The following CPLANE1 variants were observed in gnomAD, a reference collection of about 807,000 sequenced individuals.
CPLANE1 encodes ciliogenesis and planar polarity effector 1.
CPLANE1 carries 263 observed loss-of-function variants against 362.5 expected under a neutral mutation model. The ratio of observed to expected loss-of-function variants is 0.73; its 90% CI spans 0.66 to 0.80. The LOEUF is 0.80. CPLANE1 is among the 30% of genes least tolerant of loss of function. The probability of loss-of-function intolerance (pLI) is 0.00; values close to 1 mark genes in which losing one functional copy is unlikely to be tolerated. For synonymous variants in CPLANE1, 1,212 were observed against 1,302.6 expected (o/e 0.93, Z 1.50); for missense variants, 3,461 against 3,793.4 (o/e 0.91, Z 2.30).
At position 37,247,742 on chromosome 5, in the gene CPLANE1, G is replaced by T. The variant is rs1561736156; in HGVS notation, c.-44C>A. 1.3e-6 allele frequency: 2 copies of T among 1,498,164 alleles called. No homozygotes were observed. The highest frequency in any genetic ancestry group is 1.8e-6 in the Non-Finnish European group (2 of 1,116,158). 92.8% of individuals were successfully genotyped at this position (1,498,164 alleles called of 1,614,324 possible). A position where few individuals can be genotyped will look rare whatever the true frequency, so the allele number is the denominator to read the frequency against. On this transcript the variant is annotated 5_prime_UTR_variant, in exon 2 of 53. Transcript: ENST00000651892. ...GACCAATTAAGTAAAACAGTCCCAA[G>T]ATTCTGTAAACAATAATAGTAATAA... is the stretch of plus-strand genomic sequence containing the variant.
intron 24 of CPLANE1, 142 bp downstream of exon 24, chr5:37,186,144 G>A (rs930755437): frequency 3.6e-5 from 18 of 503,632 alleles, no homozygotes; most frequent in Admixed American, 7.1e-5. Flanking sequence ...ATGGAGAAAT[G>A]TTTCTACCTT....
At chr5:37,123,434 C>T (rs952334720) in intron 47 of CPLANE1, among the ~76,000 whole-genome samples, 2 of 152,226 alleles carry the variant, frequency 1.3e-5, no homozygotes, top group African/African-American at 2.4e-5. Context: ...TAACACCTCA[C>T]TAATCCCATC....
At chr5:37,219,122 C>T (rs573954347) in intron 15 of CPLANE1, among the ~76,000 whole-genome samples, 63 of 151,738 alleles carry the variant, frequency 4.2e-4, no homozygotes, top group African/African-American at 1.5e-3. Flanking sequence ...ACACCTATAA[C>T]CCCAGCATTT....
chr5:37,139,776 C>T, intron 44 of CPLANE1: 1 of 853,916 alleles, frequency 1.2e-6, no homozygotes, highest in Non-Finnish European at 1.4e-6. Context: ...TCTCGAACTC[C>T]TGAGCTCAAG....
chr5:37,109,481 A>G (rs554293014), intron 51 of CPLANE1, among the ~76,000 whole-genome samples: 1 of 152,260 alleles, frequency 6.6e-6, no homozygotes, highest in Admixed American at 6.5e-5. Flanking sequence ...AATATCACCT[A>G]CATGCTGACA....
intron 4 of CPLANE1, 105 bp downstream of exon 4, chr5:37,245,374 C>A: frequency 4.4e-6 from 2 of 458,494 alleles, no homozygotes; most frequent in Non-Finnish European, 6.3e-6. Context: ...TATACATATG[C>A]ACATACACAG....
At chr5:37,182,717 T>C (rs766978688) in intron 26 of CPLANE1, 43 bp downstream of exon 26, 2 of 1,182,430 alleles carry the variant, frequency 1.7e-6, no homozygotes, top group Non-Finnish European at 2.4e-6. Flanking sequence ...TAATCTAAAA[T>C]GAGAATTCTC....
intron 12 of CPLANE1, among the ~76,000 whole-genome samples, chr5:37,225,265 T>C (rs1015310178): frequency 1.3e-5 from 2 of 151,652 alleles, no homozygotes; most frequent in African/African-American, 4.8e-5. Flanking sequence ...CTGTTTTTTT[T>C]TTCTTTTCAG....
intron 51 of CPLANE1, among the ~76,000 whole-genome samples, chr5:37,111,292 T>A (rs1342154976): frequency 6.6e-6 from 1 of 150,512 alleles, no homozygotes; most frequent in Non-Finnish European, 1.5e-5. Context: ...AGCTAATTTT[T>A]TTTTTGTATT....
chr5:37,223,645 T>C (rs1795824337), intron 14 of CPLANE1, among the ~76,000 whole-genome samples: 5 of 152,192 alleles, frequency 3.3e-5, no homozygotes, highest in Admixed American at 3.3e-4. Flanking sequence ...AAGCTATAAC[T>C]TGTTTCTAAC....
At chr5:37,183,734 G>A (rs750827508) in intron 25 of CPLANE1, 35 bp from the exon 26 acceptor site, 18 of 1,390,632 alleles carry the variant, frequency 1.3e-5, no homozygotes, top group African/African-American at 4.3e-5. Flanking sequence ...CAAAATTAGA[G>A]ATCATTTAAT....
chr5:37,177,605 C>T lies in CPLANE1; in HGVS notation c.5900+16G>A, dbSNP rs2151065312. On this transcript the variant is annotated intron_variant, in intron 30 of 52. Transcript: ENST00000651892. ...GTAACCAGTGACAATCACTGTCATACTTTTTTCCCCCTTACCCTTTTTGTT... is the reference window on the plus strand; with the variant it reads ...GTAACCAGTGACAATCACTGTCATATTTTTTTCCCCCTTACCCTTTTTGTT... 5 of 1,599,626 alleles carry T rather than the reference C, an allele frequency of 3.1e-6. No homozygotes were observed. Among genetic ancestry groups the T allele is most frequent in the African/African-American group, 1.3e-5 (1 of 74,612 alleles).
the CPLANE1 span, among the ~76,000 whole-genome samples, chr5:37,076,720 AC>A: frequency 1.2e-4 from 18 of 151,908 alleles, no homozygotes; most frequent in South Asian, 3.3e-3. Flanking sequence ...CATTGAGCAT[AC>A]CAATTAGTTT....
At chr5:37,191,325 G>A (rs1041278753) in intron 21 of CPLANE1, among the ~76,000 whole-genome samples, 1 of 152,124 alleles carries the variant, frequency 6.6e-6, no homozygotes, top group South Asian at 2.1e-4. Flanking sequence ...TTGAGCCCAG[G>A]AGTTTAGACC....
At chr5:37,243,728 TTA>T (rs1738472946) in intron 5 of CPLANE1, among the ~76,000 whole-genome samples, 1 of 146,986 alleles carries the variant, frequency 6.8e-6, no homozygotes, top group South Asian at 2.1e-4. Context: ...TATACATGTA[TTA>T]TATATAATAT....
At chr5:37,104,091 G>T, downstream of CPLANE1, among the ~76,000 whole-genome samples, 1 of 151,958 alleles carries the variant, frequency 6.6e-6, no homozygotes, top group African/African-American at 2.4e-5. Context: ...ATTTTTGTCT[G>T]CATGTTTTAT....
chr5:37,110,416 T>G (rs1158437275), intron 51 of CPLANE1, among the ~76,000 whole-genome samples: 1 of 152,192 alleles, frequency 6.6e-6, no homozygotes, highest in Admixed American at 6.5e-5. Context: ...CTCCTTTTCA[T>G]CATTCAAGAT....
rs368599265 is a variant in CPLANE1 at position 37,167,193 on chromosome 5, G to T, written c.7254C>A (p.Ile2418=). Residue 2418 remains isoleucine, a synonymous_variant, in exon 35 of 53, where the codon ATC becomes ATA. Coordinates refer to ENST00000651892, the MANE Select transcript of CPLANE1 (RefSeq NM_001384732.1). ...PENRCKKTQL[I]PLENLIAFKQ... ...TAAACGCAATGAGGTTTTCAAGTGG[G>T]ATAAGTTGTGTTTTTTTGCACTACA... 5 of 1,609,592 alleles carry T rather than the reference G, an allele frequency of 3.1e-6. No homozygotes were observed. The highest frequency in any genetic ancestry group is 2.7e-5 in the African/African-American group (2 of 74,718).
intron 46 of CPLANE1, among the ~76,000 whole-genome samples, chr5:37,135,220 T>C (rs896543681): frequency 7.9e-5 from 12 of 152,188 alleles, no homozygotes; most frequent in Admixed American, 3.3e-4. Context: ...CCAAAAGTCA[T>C]TCAGGAGCAA....
Sources: gnomAD v4.1 joint callset for allele counts (sites outside exome capture counted in the v4.1 genomes callset) on GRCh38, gnomAD v4.1.1 for gene constraint, MANE v1.5 for transcripts, NCBI Gene and HGNC (gene_info 2026-07-23, HGNC 2026-07-21) for gene names.